Variants in EYS observed in about 807,000 individuals in gnomAD.
EYS encodes protein eyes shut homolog.
Under a neutral mutation model 282.1 loss-of-function variants are expected in EYS, and 250 were observed. The observed-to-expected ratio is 0.89, with a 90% CI of 0.80 to 0.98. The LOEUF (loss-of-function observed/expected upper bound fraction) is 0.98. Among genes scored for constraint, EYS ranks in the 50% least tolerant of loss-of-function variants. EYS has a pLI of 0.00. For synonymous variants in EYS, 1,355 were observed against 1,282.9 expected, an observed-to-expected ratio of 1.06 and a Z score of -1.20; for missense variants, 4,016 against 3,709.0, an observed-to-expected ratio of 1.08 and a Z score of -2.15.
chr6:65,271,125 A>G (rs1407242664), intron 12 of EYS, among the ~76,000 whole-genome samples: 131 of 10,370 alleles, frequency 0.013, 1 homozygote, highest in Admixed American at 0.055. Flanking sequence ...CAGAATCAAT[A>G]GATTATATAT....
At chr6:64,149,226 A>G (rs1032548198) in intron 31 of EYS, among the ~76,000 whole-genome samples, 1 of 152,198 alleles carries the variant, frequency 6.6e-6, no homozygotes, top group Non-Finnish European at 1.5e-5. Context: ...AATAACTCCT[A>G]TTCTACACTT....
chr6:65,347,118 A>G (rs1412759481), intron 9 of EYS, among the ~76,000 whole-genome samples: 1 of 151,874 alleles, frequency 6.6e-6, no homozygotes, highest in Non-Finnish European at 1.5e-5. Flanking sequence ...CCACTTAGAT[A>G]TTATAGTGAT....
intron 2 of EYS, among the ~76,000 whole-genome samples, chr6:65,562,977 C>T (rs1490403198): frequency 1.3e-5 from 2 of 152,026 alleles, no homozygotes; most frequent in Non-Finnish European, 2.9e-5. Flanking sequence ...TGCCTGAATA[C>T]ATTCTAAGCC....
At chr6:64,441,852 C>A (rs1416971170) in intron 26 of EYS, among the ~76,000 whole-genome samples, 1 of 152,142 alleles carries the variant, frequency 6.6e-6, no homozygotes, top group African/African-American at 2.4e-5. Flanking sequence ...AACTGTAAGT[C>A]CAATAAACCT....
intron 26 of EYS, among the ~76,000 whole-genome samples, chr6:64,563,482 A>G (rs548571113): frequency 6.6e-6 from 1 of 152,244 alleles, no homozygotes; most frequent in Admixed American, 6.5e-5. Context: ...AAGAATTTAA[A>G]GGGATTCTCA....
intron 41 of EYS, among the ~76,000 whole-genome samples, chr6:63,743,593 A>G (rs750557373): frequency 1.1e-4 from 17 of 152,152 alleles, no homozygotes; most frequent in Non-Finnish European, 2.2e-4. Context: ...GGACAGGGCA[A>G]TTTTTGTGAG....
chr6:64,056,861 T>G (rs1562177946), intron 33 of EYS, among the ~76,000 whole-genome samples: 1 of 152,194 alleles, frequency 6.6e-6, no homozygotes, highest in Non-Finnish European at 1.5e-5. Context: ...TAAATTCCTG[T>G]TTTATGGTAA....
At chr6:65,491,795 G>T (rs1484102868) in intron 4 of EYS, among the ~76,000 whole-genome samples, 1 of 152,110 alleles carries the variant, frequency 6.6e-6, no homozygotes. Flanking sequence ...GCATCACAGA[G>T]TATCTATATT....
chr6:64,684,623 G>A (rs1233558929), intron 22 of EYS, among the ~76,000 whole-genome samples: 2 of 151,748 alleles, frequency 1.3e-5, no homozygotes, highest in East Asian at 3.9e-4. Flanking sequence ...ATATGTATAT[G>A]AGTGGACACA....
At chr6:64,970,572 T>A (rs1419002363) in intron 14 of EYS, among the ~76,000 whole-genome samples, 4 of 152,186 alleles carry the variant, frequency 2.6e-5, no homozygotes, top group Non-Finnish European at 4.4e-5. Flanking sequence ...ACTTAAAACA[T>A]CATGTGATGC....
At chr6:64,440,409 G>A (rs1296908722) in intron 26 of EYS, among the ~76,000 whole-genome samples, 1 of 151,826 alleles carries the variant, frequency 6.6e-6, no homozygotes, top group Non-Finnish European at 1.5e-5. Flanking sequence ...CTGGAAATAA[G>A]GTTCAAAATA....
intron 34 of EYS, among the ~76,000 whole-genome samples, chr6:63,997,615 A>G (rs1042081084): frequency 2.0e-5 from 3 of 152,182 alleles, no homozygotes; most frequent in Admixed American, 6.5e-5. Flanking sequence ...TTGAAATAAT[A>G]AATTCTACTC....
chr6:64,739,074 C>T (rs983725632), intron 22 of EYS, among the ~76,000 whole-genome samples: 5 of 152,168 alleles, frequency 3.3e-5, no homozygotes, highest in African/African-American at 1.2e-4. Flanking sequence ...TTTTTTCTTC[C>T]TGTTTGTACA....
intron 31 of EYS, among the ~76,000 whole-genome samples, chr6:64,110,406 T>A (rs1158845659): frequency 6.6e-6 from 1 of 151,936 alleles, no homozygotes; most frequent in Non-Finnish European, 1.5e-5. Flanking sequence ...TACCATGTTA[T>A]AAAAAATGTT....
At chr6:64,546,416 C>T (rs576202710) in intron 26 of EYS, among the ~76,000 whole-genome samples, 1 of 152,276 alleles carries the variant, frequency 6.6e-6, no homozygotes, top group East Asian at 1.9e-4. Context: ...ACCATAAAAA[C>T]CCTAGAAGAA....
At chr6:65,218,829 A>C (rs1766384648) in intron 12 of EYS, among the ~76,000 whole-genome samples, 2 of 152,150 alleles carry the variant, frequency 1.3e-5, no homozygotes, top group South Asian at 2.1e-4. Flanking sequence ...AGGAATAAGG[A>C]GTAGGGCAAT....
intron 18 of EYS, among the ~76,000 whole-genome samples, chr6:64,890,952 C>T (rs1317424340): frequency 2.0e-5 from 3 of 152,038 alleles, no homozygotes; most frequent in African/African-American, 4.8e-5. Context: ...CTACACTACT[C>T]CTGAAATCTG....
chr6:65,269,508 G>T (rs1397816610), intron 12 of EYS, among the ~76,000 whole-genome samples: 1 of 152,186 alleles, frequency 6.6e-6, no homozygotes. Context: ...TGCTACAGCA[G>T]CTGCTGTGAT....
chr6:63,948,923 C>G lies in EYS; in HGVS notation c.7055+35460G>C, dbSNP rs888151596. ...ATATATGTTCTCATCTATATATTAT[C>G]TTCTACTTTGTGTCATGTGTTTATC... On this transcript the variant is annotated intron_variant, in intron 35 of 42. Transcript: ENST00000503581. 3.3e-5 allele frequency among the ~76,000 whole-genome samples: 5 copies of G among 152,080 alleles called. No individual in the cohort carries two copies. In the South Asian group the frequency reaches 1.0e-3, roughly 32 times the overall value.
Sources: allele counts gnomAD v4.1 joint callset (sites outside exome capture counted in the v4.1 genomes callset), GRCh38; gene constraint gnomAD v4.1.1; transcripts MANE v1.5; gene names NCBI Gene and HGNC (gene_info 2026-07-23, HGNC 2026-07-21).